Variants in LRRC8D observed in about 807,000 individuals in gnomAD.
LRRC8D encodes leucine rich repeat containing 8 VRAC subunit D, also known as volume-regulated anion channel subunit LRRC8D.
In LRRC8D, 20 loss-of-function variants were observed where a neutral mutation model predicts 55.8. That is an observed-to-expected ratio of 0.36 (90% CI 0.25 to 0.52). The LOEUF (loss-of-function observed/expected upper bound fraction) is 0.52. Ranked by LOEUF, LRRC8D falls within the 20% of genes least tolerant of loss-of-function variation. The pLI, the probability that LRRC8D is intolerant of heterozygous loss-of-function variation, is 0.93. For synonymous variants in LRRC8D, 352 were observed against 377.0 expected (o/e 0.93, Z 0.77); for missense variants, 651 against 1,030.8 (o/e 0.63, Z 5.05).
At chr1:89,871,596 A>AT (rs943111265) in intron 2 of LRRC8D, among the ~76,000 whole-genome samples, 2 of 152,000 alleles carry the variant, frequency 1.3e-5, no homozygotes, top group African/African-American at 4.8e-5. Flanking sequence ...ATAGATGTCC[A>AT]TTTTTTTTCA....
chr1:89,893,274 G>A (rs531296568), intron 2 of LRRC8D, among the ~76,000 whole-genome samples: 123 of 152,322 alleles, frequency 8.1e-4, no homozygotes, highest in African/African-American at 2.9e-3. Context: ...GGATGAGCAC[G>A]TGCAGAGGTC....
intron 2 of LRRC8D, among the ~76,000 whole-genome samples, chr1:89,897,635 G>GATA (rs1407338727): frequency 6.6e-6 from 1 of 152,076 alleles, no homozygotes; most frequent in Non-Finnish European, 1.5e-5. Flanking sequence ...TGTGATTGTG[G>GATA]ATAACTTTGT....
chr1:89,870,102 C>T (rs867340193), intron 2 of LRRC8D, among the ~76,000 whole-genome samples: 7 of 149,636 alleles, frequency 4.7e-5, no homozygotes, highest in African/African-American at 1.7e-4. Context: ...AGCAAGACTC[C>T]GTCTCAAAAA....
intron 1 of LRRC8D, among the ~76,000 whole-genome samples, chr1:89,842,521 A>G (rs1441269582): frequency 6.6e-6 from 1 of 152,224 alleles, no homozygotes; most frequent in East Asian, 1.9e-4. Flanking sequence ...CTTCATATGT[A>G]GAATGATTAT....
At chr1:89,868,294 T>C (rs181098575) in intron 2 of LRRC8D, among the ~76,000 whole-genome samples, 4 of 152,184 alleles carry the variant, frequency 2.6e-5, no homozygotes, top group Non-Finnish European at 5.9e-5. Context: ...TCATAAAATG[T>C]AAGGATTAGA....
intron 2 of LRRC8D, among the ~76,000 whole-genome samples, chr1:89,892,050 T>C (rs1662591053): frequency 1.3e-5 from 2 of 152,246 alleles, no homozygotes; most frequent in Admixed American, 6.5e-5. Flanking sequence ...TTTGAGCCTG[T>C]GTAACCCCAG....
intron 1 of LRRC8D, among the ~76,000 whole-genome samples, chr1:89,831,820 C>T (rs915982241): frequency 2.0e-5 from 3 of 152,072 alleles, no homozygotes; most frequent in Non-Finnish European, 4.4e-5. Context: ...AAAAAGTAAA[C>T]CAAGAATGCT....
intron 2 of LRRC8D, among the ~76,000 whole-genome samples, chr1:89,900,767 A>G (rs1457177600): frequency 1.3e-5 from 2 of 152,210 alleles, no homozygotes; most frequent in Non-Finnish European, 2.9e-5. Flanking sequence ...CAGCAAAACC[A>G]CAGCAGCATC....
At chr1:89,907,276 C>T (rs929087957) in intron 2 of LRRC8D, among the ~76,000 whole-genome samples, 1 of 149,530 alleles carries the variant, frequency 6.7e-6, no homozygotes, top group Non-Finnish European at 1.5e-5. Context: ...ACTGCAACCT[C>T]CGCCTCCCGG....
At position 89,895,242 on chromosome 1, in the gene LRRC8D, T is replaced by C. The variant is rs576888288; in HGVS notation, c.-2-37825T>C. ...ATAAGCCTACTATATTCATATAATA[T>C]ATTATGAAGTCTGTTAGATGACCTT... On this transcript the variant is annotated intron_variant, in intron 2 of 2. Coordinates refer to ENST00000337338, the MANE Select transcript of LRRC8D (RefSeq NM_001134479.2). 3.7e-4 allele frequency among the ~76,000 whole-genome samples: 57 copies of C among 152,360 alleles called. No individual in the cohort carries two copies. In the South Asian group the frequency reaches 0.01, roughly 28 times the overall value.
At chr1:89,844,221 G>A (rs576231675) in intron 2 of LRRC8D, among the ~76,000 whole-genome samples, 4 of 152,242 alleles carry the variant, frequency 2.6e-5, no homozygotes, top group Non-Finnish European at 5.9e-5. Context: ...GGGTTGGGAC[G>A]TAGGGAAGAG....
intron 2 of LRRC8D, among the ~76,000 whole-genome samples, chr1:89,875,919 A>C (rs1338888440): frequency 6.6e-6 from 1 of 152,224 alleles, no homozygotes; most frequent in Non-Finnish European, 1.5e-5. Context: ...GGAATTTAAA[A>C]AATAAAGATT....
Position 89,933,021 on chromosome 1 carries a change from T to A in LRRC8D, c.-2-46T>A. The A allele has an allele frequency of 6.5e-7, 1 of 1,543,482 alleles. No homozygotes were observed. The highest frequency in any genetic ancestry group is 1.2e-5 in the South Asian group (1 of 81,418). ...ATAGGGTTTTTCTCATTTACTCTTTTCATTTGCATCTCTAGAATAATGTCT... is the reference window on the plus strand; with the variant it reads ...ATAGGGTTTTTCTCATTTACTCTTTACATTTGCATCTCTAGAATAATGTCT... On this transcript the variant is annotated intron_variant, in intron 2 of 2. Transcript: ENST00000337338. The surrounding 1 kb of genome is among the most constrained non-coding windows in gnomAD (Gnocchi z 7.0).
chr1:89,828,867 C>T lies in LRRC8D; in HGVS notation c.-148+7576C>T, dbSNP rs144994597. On this transcript the variant is annotated intron_variant, in intron 1 of 2. Transcript: ENST00000337338. ...AAATCCCATTGCTACATCTTAGCAT[C>T]GACAGATAGCCAGCACTGCAACGAG... is the stretch of plus-strand genomic sequence containing the variant. 1.1e-3 allele frequency among the ~76,000 whole-genome samples: 164 copies of T among 152,186 alleles called. 1 individual carries two copies. The highest frequency in any genetic ancestry group is 3.7e-3 in the African/African-American group (155 of 41,528).
At chr1:89,854,321 C>T (rs576622558) in intron 2 of LRRC8D, among the ~76,000 whole-genome samples, 2 of 152,004 alleles carry the variant, frequency 1.3e-5, no homozygotes, top group South Asian at 4.2e-4. Context: ...TGAGTGATAG[C>T]TGTGTGTCAT....
intron 2 of LRRC8D, among the ~76,000 whole-genome samples, chr1:89,858,448 C>T (rs1661616809): frequency 6.6e-6 from 1 of 152,068 alleles, no homozygotes; most frequent in Non-Finnish European, 1.5e-5. Flanking sequence ...CATTACTGTT[C>T]TCATGATGTT....
chr1:89,924,283 A>G (rs1663498060), intron 2 of LRRC8D, among the ~76,000 whole-genome samples: 3 of 152,270 alleles, frequency 2.0e-5, no homozygotes, highest in Admixed American at 1.3e-4. Context: ...ACTTCTCAAA[A>G]GAAGACATAC....
chr1:89,844,456 A>G (rs1378668944), intron 2 of LRRC8D, among the ~76,000 whole-genome samples: 1 of 152,184 alleles, frequency 6.6e-6, no homozygotes, highest in African/African-American at 2.4e-5. Flanking sequence ...TGAGATGTTT[A>G]GTCTGGTGTC....
chr1:89,931,529 G>T (rs1324187804), intron 2 of LRRC8D, among the ~76,000 whole-genome samples: 1 of 152,120 alleles, frequency 6.6e-6, no homozygotes, highest in Non-Finnish European at 1.5e-5. Flanking sequence ...GGGAGGCCAA[G>T]GTGGGCAGAT....
Sources: allele counts gnomAD v4.1 joint callset (sites outside exome capture counted in the v4.1 genomes callset), GRCh38; gene constraint gnomAD v4.1.1; non-coding constraint Gnocchi (gnomAD v3.1); transcripts MANE v1.5; gene names NCBI Gene and HGNC (gene_info 2026-07-23, HGNC 2026-07-21).